Variants in MYO3B observed in about 807,000 individuals in gnomAD.
MYO3B encodes myosin-IIIb.
In MYO3B, 156 loss-of-function variants were observed where a neutral mutation model predicts 174.6. The observed-to-expected ratio is 0.89, with a 90% CI of 0.78 to 1.02. The LOEUF (loss-of-function observed/expected upper bound fraction) is 1.02, where lower values mean the gene tolerates loss of function less well. Among genes scored for constraint, MYO3B ranks in the 50% least tolerant of loss-of-function variants. The probability of loss-of-function intolerance (pLI) is 0.00; values close to 1 mark genes in which losing one functional copy is unlikely to be tolerated. For missense variants in MYO3B, 1,632 were observed against 1,639.4 expected (o/e 1.00, Z 0.08); for synonymous variants, 563 against 569.1 (o/e 0.99, Z 0.15).
At chr2:170,316,957 T>C (rs1241210665) in intron 7 of MYO3B, among the ~76,000 whole-genome samples, 1 of 152,194 alleles carries the variant, frequency 6.6e-6, no homozygotes, top group African/African-American at 2.4e-5. Context: ...ACTCTCACTT[T>C]GTAAAGAGAT....
chr2:170,365,800 C>A (rs2094193960), intron 8 of MYO3B, among the ~76,000 whole-genome samples: 1 of 152,108 alleles, frequency 6.6e-6, no homozygotes, highest in South Asian at 2.1e-4. Flanking sequence ...ATGGTAGACA[C>A]ACCCGACAGC....
intron 7 of MYO3B, among the ~76,000 whole-genome samples, chr2:170,259,175 A>C (rs1553574391): frequency 6.6e-6 from 1 of 152,174 alleles, no homozygotes; most frequent in Non-Finnish European, 1.5e-5. Context: ...TTCCTATGAA[A>C]CTACCGATGT....
chr2:170,415,681 A>G (rs1216612759), intron 22 of MYO3B, among the ~76,000 whole-genome samples: 2 of 152,176 alleles, frequency 1.3e-5, no homozygotes, highest in African/African-American at 2.4e-5. Context: ...CAAAGATACC[A>G]CATGACCAAT....
intron 30 of MYO3B, among the ~76,000 whole-genome samples, chr2:170,524,804 G>T (rs541610519): frequency 6.6e-6 from 1 of 152,040 alleles, no homozygotes; most frequent in Non-Finnish European, 1.5e-5. Context: ...GGTTTTACAC[G>T]CATTATCCTG....
intron 30 of MYO3B, chr2:170,524,569 C>T (rs575350945): frequency 3.8e-4 from 163 of 425,898 alleles, no homozygotes; most frequent in Non-Finnish European, 5.8e-4. Context: ...CTGCAACCTC[C>T]GCCCTCTGGG....
In MYO3B at chr2:170,217,351, C is replaced by T. The variant is rs61744601; in HGVS notation, c.559C>T (p.Arg187Trp). The change falls in exon 6 of 35, where the codon CGG becomes TGG. Residue 187 changes from arginine (R) to tryptophan (W), a missense_variant. Physicochemically the swap from Arg to Trp is moderately radical, Grantham distance 101 (BLOSUM62 -3). Transcript: ENST00000408978. ...AGCTCAACTCACCAGTACACGTCTG[C>T]GGAGAAACACATCTGTTGGCACCCC... ...VSAQLTSTRL[R>W]RNTSVGTPFW... is the part of the protein sequence containing the mutation. The T allele has an allele frequency of 3.2e-5, 52 of 1,614,080 alleles. No homozygotes were observed. In the East Asian group the frequency reaches 5.3e-4, roughly 17 times the overall value.
intron 8 of MYO3B, chr2:170,351,008 G>A (rs746331912): frequency 1.3e-5 from 2 of 151,844 alleles, no homozygotes; most frequent in African/African-American, 2.4e-5. Flanking sequence ...AGGAAGGAAG[G>A]GAGAAAAGAA....
At chr2:170,261,767 C>T (rs1160373980) in intron 7 of MYO3B, among the ~76,000 whole-genome samples, 1 of 152,174 alleles carries the variant, frequency 6.6e-6, no homozygotes, top group Admixed American at 6.5e-5. Context: ...ATCCTGTCAG[C>T]ATTTAATCTG....
At chr2:170,502,563 A>G (rs1385237505) in intron 28 of MYO3B, among the ~76,000 whole-genome samples, 2 of 149,608 alleles carry the variant, frequency 1.3e-5, no homozygotes, top group African/African-American at 4.9e-5. Flanking sequence ...CTGGCTCTTC[A>G]GTCACTCTGC....
chr2:170,200,079 C>T (rs1174800098), intron 2 of MYO3B, 71 bp from the exon 3 acceptor site: 6 of 1,444,584 alleles, frequency 4.2e-6, no homozygotes, highest in East Asian at 2.4e-5. Context: ...AGTACTTGAG[C>T]ATGATGTCAT....
chr2:170,365,736 T>C (rs890878357), intron 8 of MYO3B, among the ~76,000 whole-genome samples: 1 of 152,184 alleles, frequency 6.6e-6, no homozygotes, highest in Non-Finnish European at 1.5e-5. Context: ...CTGCTTAGCC[T>C]TCTTCCTCTT....
intron 23 of MYO3B, among the ~76,000 whole-genome samples, chr2:170,457,651 C>T (rs1277958357): frequency 1.3e-5 from 2 of 152,284 alleles, no homozygotes; most frequent in East Asian, 3.9e-4. Context: ...GATAACAATG[C>T]CTTCTTTTGG....
intron 8 of MYO3B, among the ~76,000 whole-genome samples, chr2:170,368,717 C>T (rs923076321): frequency 3.9e-5 from 6 of 152,146 alleles, no homozygotes; most frequent in African/African-American, 7.2e-5. Flanking sequence ...CAAGCGCCAG[C>T]GTTTCTGTGA....
At chr2:170,298,336 G>T (rs2093641266) in intron 7 of MYO3B, among the ~76,000 whole-genome samples, 1 of 152,070 alleles carries the variant, frequency 6.6e-6, no homozygotes, top group Admixed American at 6.6e-5. Context: ...GAATAATGTG[G>T]TTTTTCTCTC....
chr2:170,186,622 T>C (rs2092467426), intron 1 of MYO3B, among the ~76,000 whole-genome samples: 1 of 152,244 alleles, frequency 6.6e-6, no homozygotes, highest in Non-Finnish European at 1.5e-5. Context: ...GGTATCAGGC[T>C]AATACCGGCC....
At chr2:170,621,408 T>C (rs895099284) in intron 32 of MYO3B, among the ~76,000 whole-genome samples, 11 of 152,334 alleles carry the variant, frequency 7.2e-5, no homozygotes, top group African/African-American at 2.6e-4. Flanking sequence ...AGTTACAAGA[T>C]GCTCTTCCTT....
At chr2:170,539,811 A>G (rs899838335) in intron 30 of MYO3B, among the ~76,000 whole-genome samples, 1 of 151,808 alleles carries the variant, frequency 6.6e-6, no homozygotes, top group African/African-American at 2.4e-5. Flanking sequence ...TAATAGAGAC[A>G]GGGTTTCACC....
intron 32 of MYO3B, among the ~76,000 whole-genome samples, chr2:170,588,393 C>A (rs925230458): frequency 6.6e-6 from 1 of 152,132 alleles, no homozygotes; most frequent in African/African-American, 2.4e-5. Flanking sequence ...AAGCAAGGAT[C>A]TTGCCATTGC....
chr2:170,211,159 C>T (rs184108918), intron 3 of MYO3B, among the ~76,000 whole-genome samples: 141 of 152,238 alleles, frequency 9.3e-4, no homozygotes, highest in African/African-American at 3.3e-3. Context: ...TCTGTTTTTC[C>T]CAAGGAGTCC....
Sources: allele counts gnomAD v4.1 joint callset (sites outside exome capture counted in the v4.1 genomes callset), GRCh38; gene constraint gnomAD v4.1.1; transcripts MANE v1.5; gene names NCBI Gene and HGNC (gene_info 2026-07-23, HGNC 2026-07-21).